CD84: variants seen among roughly 807,000 people sequenced by gnomAD.
CD84 encodes the protein CD84 molecule.
A neutral mutation model predicts 33.8 loss-of-function variants in CD84; 22 were observed. The observed-to-expected ratio is 0.65, with a 90% CI of 0.46 to 0.93. The LOEUF (loss-of-function observed/expected upper bound fraction) is 0.93. Ranked by LOEUF, CD84 falls within the 40% of genes least tolerant of loss-of-function variation. The pLI is 0.00. For missense variants in CD84, 400 were observed against 397.6 expected (o/e 1.01, Z -0.05); for synonymous variants, 154 against 145.2 (o/e 1.06, Z -0.44).
chr1:160,578,219 A>G (rs780126388), intron 1 of CD84, among the ~76,000 whole-genome samples: 1 of 152,234 alleles, frequency 6.6e-6, no homozygotes, highest in Non-Finnish European at 1.5e-5. Flanking sequence ...TATGGATGAC[A>G]TAAGAATGTA....
intron 1 of CD84, among the ~76,000 whole-genome samples, chr1:160,576,379 T>C (rs1272045721): frequency 6.6e-6 from 1 of 152,208 alleles, no homozygotes; most frequent in Non-Finnish European, 1.5e-5. Flanking sequence ...AATATTAAAG[T>C]GAACGGTATT....
intron 3 of CD84, 134 bp from the exon 4 acceptor site, chr1:160,553,631 A>C: frequency 1.8e-6 from 2 of 1,125,512 alleles, no homozygotes; most frequent in Non-Finnish European, 2.6e-6. Flanking sequence ...TAGGGAAACT[A>C]AACTTTCTGC....
intron 1 of CD84, among the ~76,000 whole-genome samples, chr1:160,572,685 A>G (rs1657765220): frequency 6.6e-6 from 1 of 152,156 alleles, no homozygotes; most frequent in African/African-American, 2.4e-5. Context: ...AGAAGTGGTA[A>G]CCCACATTTA....
chr1:160,553,899 A>G lies in CD84; in HGVS notation c.636T>C (p.Cys212=). The change falls in exon 3 of 7, where the codon TGT becomes TGC. Residue 212 remains cysteine, a synonymous_variant. Coordinates refer to ENST00000368054, the MANE Select transcript of CD84 (RefSeq NM_003874.4). ...GAGATGGGCAGAGCTGGTTACCTGC[A>G]CAGAGCTGCCGGGCAGAGATGGAGT... ...NSDSISARQL[C]ADIAMGFRTH... 6.2e-7 allele frequency: 1 copy of G among 1,614,188 alleles called. No homozygotes were observed. Among genetic ancestry groups the G allele is most frequent in the Non-Finnish European group, 8.5e-7 (1 of 1,180,022 alleles).
intron 2 of CD84, among the ~76,000 whole-genome samples, chr1:160,558,690 C>A (rs1656762229): frequency 6.6e-6 from 1 of 152,110 alleles, no homozygotes; most frequent in South Asian, 2.1e-4. Flanking sequence ...ACAAACTTTG[C>A]TGAGCTAAAG....
chr1:160,551,118 G>C (rs1282796599), intron 4 of CD84, 83 bp from the exon 5 acceptor site: 1 of 1,022,988 alleles, frequency 9.8e-7, no homozygotes, highest in Admixed American at 1.8e-5. Context: ...CTCTTTTTAA[G>C]ATGAAGAAAG....
In CD84 at chr1:160,579,487, G is replaced by A. The variant is rs1171361752; in HGVS notation, c.-50C>T. 16 of 1,600,568 alleles carry A rather than the reference G, an allele frequency of 1.0e-5. No individual in the cohort carries two copies. The highest frequency in any genetic ancestry group is 1.4e-5 in the Non-Finnish European group (16 of 1,174,156). On this transcript the variant is annotated 5_prime_UTR_variant, in exon 1 of 7. Transcript: ENST00000368054. ...GGAAAAGCACGGCACTGTTCTAGCA[G>A]AGTCAGTTTCACTTGAGTTTTCTTC...
chr1:160,566,821 A>G (rs188961426), intron 1 of CD84, among the ~76,000 whole-genome samples: 3 of 152,358 alleles, frequency 2.0e-5, no homozygotes, highest in Non-Finnish European at 4.4e-5. Context: ...AAAATGTAAC[A>G]TGGGAAGATG....
At chr1:160,578,444 G>A (rs1316383157) in intron 1 of CD84, among the ~76,000 whole-genome samples, 1 of 152,132 alleles carries the variant, frequency 6.6e-6, no homozygotes, top group Non-Finnish European at 1.5e-5. Context: ...GCCATAGCTT[G>A]AAATGGCCAA....
intron 1 of CD84, among the ~76,000 whole-genome samples, chr1:160,569,292 A>C (rs935357181): frequency 6.6e-6 from 1 of 152,230 alleles, no homozygotes; most frequent in Non-Finnish European, 1.5e-5. Context: ...TTTAAAAGAA[A>C]GAGTGTCCAT....
intron 2 of CD84, 138 bp from the exon 3 acceptor site, chr1:160,554,284 G>A: frequency 1.0e-6 from 1 of 954,268 alleles, no homozygotes; most frequent in Non-Finnish European, 1.4e-6. Flanking sequence ...AATAAATTAT[G>A]TTAAAAATAA....
intron 2 of CD84, among the ~76,000 whole-genome samples, chr1:160,564,339 T>G (rs1267665375): frequency 6.6e-6 from 1 of 152,164 alleles, no homozygotes; most frequent in East Asian, 1.9e-4. Context: ...CTGGTGAGAA[T>G]GGAAAGTTGA....
At chr1:160,551,528 T>A (rs1345536054) in intron 4 of CD84, 1 of 164,848 alleles carries the variant, frequency 6.1e-6, no homozygotes, top group Non-Finnish European at 1.3e-5. Context: ...GCTTGTTTGA[T>A]TGATTCACAG....
chr1:160,558,381 G>A (rs1450627960), intron 2 of CD84, among the ~76,000 whole-genome samples: 1 of 152,082 alleles, frequency 6.6e-6, no homozygotes, highest in Non-Finnish European at 1.5e-5. Context: ...TCAGCAAACT[G>A]CAACAGCCCC....
intron 2 of CD84, among the ~76,000 whole-genome samples, chr1:160,562,396 G>C (rs1037288141): frequency 1.3e-5 from 2 of 152,040 alleles, no homozygotes; most frequent in Non-Finnish European, 2.9e-5. Flanking sequence ...CAATGGAACA[G>C]AATAAAGAAC....
intron 1 of CD84, among the ~76,000 whole-genome samples, chr1:160,572,976 G>A (rs1557985515): frequency 6.6e-6 from 1 of 152,088 alleles, no homozygotes; most frequent in Non-Finnish European, 1.5e-5. Flanking sequence ...TTGGGCTGGG[G>A]CACCCTTCCC....
rs989584172 is a variant in CD84, at chr1:160,548,305, G to A, written c.938C>T (p.Thr313Ile). 2 of 1,614,108 alleles carry A rather than the reference G, an allele frequency of 1.2e-6. No homozygotes were observed. Among genetic ancestry groups the A allele is most frequent in the African/African-American group, 2.7e-5 (2 of 74,930 alleles). ...QFADKMGKAS[T>I]QDSKPPGTSS... ...AGTCCCAGGAGGTTTACTGTCCTGT[G>A]TGCTGGCTTTCCCCATCTGTGCAGG... Residue 313 changes from threonine to isoleucine, a missense_variant, in exon 7 of 7, where the codon ACA becomes ATA. Transcript: ENST00000368054.
rs370806560 is a variant in CD84, at chr1:160,547,347, G to A, written c.*909C>T. ...AAATATAAGCTGGTCAGTTCCTTTTGGAGAGTGGGAATACTGGGCATGGCT... is the reference window on the plus strand; with the variant it reads ...AAATATAAGCTGGTCAGTTCCTTTTAGAGAGTGGGAATACTGGGCATGGCT... On this transcript the variant is annotated 3_prime_UTR_variant, in exon 7 of 7. Transcript: ENST00000368054. The A allele has an allele frequency of 5.1e-6, 2 of 396,010 alleles. No individual in the cohort carries two copies. Among genetic ancestry groups the A allele is most frequent in the African/African-American group, 4.1e-5 (2 of 48,558 alleles). 24.5% of individuals were successfully genotyped at this position (396,010 alleles called of 1,614,324 possible).
Position 160,554,130 on chromosome 1 carries a change from TG to T in CD84, c.404del (p.Pro135GlnfsTer7), listed in dbSNP as rs1483547218. The T allele has an allele frequency of 5.0e-6, 8 of 1,612,684 alleles. No individual in the cohort carries two copies. The highest frequency in any genetic ancestry group is 5.9e-6 in the Non-Finnish European group (7 of 1,178,860). ...ATGCCATTAAACTCTGTGTAATTTT[TG>T]GTTTCCCAAGCCGACCTGTGGGGGC... ...NLQIYRRLGK[P>X]KITQSLMASV... On this transcript the variant is annotated frameshift_variant, in exon 3 of 7. Coordinates refer to ENST00000368054, the MANE Select transcript of CD84 (RefSeq NM_003874.4). LOFTEE classifies it high-confidence loss of function.
Sources: allele counts gnomAD v4.1 joint callset (sites outside exome capture counted in the v4.1 genomes callset), GRCh38; gene constraint gnomAD v4.1.1; transcripts MANE v1.5; gene names NCBI Gene and HGNC (gene_info 2026-07-23, HGNC 2026-07-21).